Variants in ACER3 observed in about 807,000 individuals in gnomAD.
ACER3 encodes the protein alkaline ceramidase 3.
A neutral mutation model predicts 48.9 loss-of-function variants in ACER3; 16 were observed. The observed-to-expected ratio is 0.33, with a 90% CI of 0.22 to 0.50. ACER3 has a LOEUF of 0.50. Among genes scored for constraint, ACER3 ranks in the 20% least tolerant of loss-of-function variants. The pLI, the probability that ACER3 is intolerant of heterozygous loss-of-function variation, is 0.98. For synonymous variants in ACER3, 109 were observed against 107.8 expected (o/e 1.01, Z -0.07); for missense variants, 227 against 326.0 (o/e 0.70, Z 2.34).
At chr11:76,947,806 C>T (rs1281088878) in intron 2 of ACER3, among the ~76,000 whole-genome samples, 1 of 152,146 alleles carries the variant, frequency 6.6e-6, no homozygotes, top group Non-Finnish European at 1.5e-5. Context: ...TTAATAGCTC[C>T]AGTACTTGTG....
intron 6 of ACER3, among the ~76,000 whole-genome samples, chr11:76,994,457 G>A (rs1348445910): frequency 1.3e-5 from 2 of 152,048 alleles, no homozygotes; most frequent in Non-Finnish European, 2.9e-5. Context: ...GTACAGACAG[G>A]GTTTTTTCGT....
chr11:76,920,454 G>GA (rs1296903854), intron 1 of ACER3, among the ~76,000 whole-genome samples: 3 of 152,128 alleles, frequency 2.0e-5, no homozygotes, highest in Non-Finnish European at 4.4e-5. Context: ...CAGCCTTGGG[G>GA]AAACCTCTTT....
intron 2 of ACER3, among the ~76,000 whole-genome samples, chr11:76,933,557 T>G (rs1353735391): frequency 6.6e-6 from 1 of 151,946 alleles, no homozygotes; most frequent in African/African-American, 2.4e-5. Context: ...CATTTAACCC[T>G]GAGTGGACAC....
At chr11:76,901,598 T>A (rs2134671885) in intron 1 of ACER3, among the ~76,000 whole-genome samples, 1 of 152,338 alleles carries the variant, frequency 6.6e-6, no homozygotes, top group Non-Finnish European at 1.5e-5. Context: ...GCAAGACTCC[T>A]GTCTCAAGAG....
chr11:77,016,022 G>T (rs919597074), intron 8 of ACER3, among the ~76,000 whole-genome samples: 1 of 151,084 alleles, frequency 6.6e-6, no homozygotes, highest in South Asian at 2.1e-4. Flanking sequence ...CAGGAGAATC[G>T]CTTGAACTGG....
At chr11:76,940,386 CT>C (rs1947306295) in intron 2 of ACER3, among the ~76,000 whole-genome samples, 1 of 151,984 alleles carries the variant, frequency 6.6e-6, no homozygotes, top group African/African-American at 2.4e-5. Flanking sequence ...ACTTTTGTAA[CT>C]TTTTTTTCTA....
At chr11:76,929,455 C>G (rs1027160482) in intron 2 of ACER3, among the ~76,000 whole-genome samples, 2 of 152,206 alleles carry the variant, frequency 1.3e-5, no homozygotes, top group Admixed American at 6.5e-5. Flanking sequence ...CGCTTTATTT[C>G]TTTCTCCTGC....
intron 1 of ACER3, among the ~76,000 whole-genome samples, chr11:76,886,763 C>T (rs917931919): frequency 3.9e-5 from 6 of 152,148 alleles, no homozygotes; most frequent in South Asian, 2.1e-4. Context: ...TCACTGCAAC[C>T]TCTGCCTCCT....
In ACER3 at chr11:76,976,353, TA is replaced by T; in HGVS notation, c.320+16del. On this transcript the variant is annotated intron_variant, in intron 4 of 10. Coordinates refer to ENST00000532485, the MANE Select transcript of ACER3 (RefSeq NM_018367.7). ...TTTGTGTACTGCATGTAAGTACTTT[TA>T]AAATTTCATTGTTTGATTTATTTTT... is the stretch of plus-strand genomic sequence containing the variant. 1 of 1,557,748 alleles carries T rather than the reference TA, an allele frequency of 6.4e-7. No homozygotes were observed. Among genetic ancestry groups the T allele is most frequent in the Non-Finnish European group, 8.8e-7 (1 of 1,138,324 alleles).
chr11:76,908,179 T>A (rs879490428), intron 1 of ACER3, among the ~76,000 whole-genome samples: 2 of 152,194 alleles, frequency 1.3e-5, no homozygotes, highest in Non-Finnish European at 2.9e-5. Flanking sequence ...GAGGTTGCAG[T>A]GAGCTGAGAT....
chr11:76,901,731 C>T (rs560469858), intron 1 of ACER3, among the ~76,000 whole-genome samples: 21 of 152,032 alleles, frequency 1.4e-4, no homozygotes, highest in Admixed American at 3.9e-4. Context: ...CTGCATGCAC[C>T]GGTAATTAGA....
chr11:76,988,511 G>C (rs55977032), intron 5 of ACER3, among the ~76,000 whole-genome samples: 60,563 of 151,926 alleles, frequency 0.4, 14,770 homozygotes, highest in Non-Finnish European at 0.56. Flanking sequence ...CAGAGCGAAG[G>C]GGGAAGAAGC....
intron 2 of ACER3, among the ~76,000 whole-genome samples, chr11:76,943,605 T>A (rs1010895467): frequency 1.3e-5 from 2 of 152,034 alleles, no homozygotes; most frequent in Non-Finnish European, 2.9e-5. Flanking sequence ...GTGTTCCATG[T>A]GGTGATGAAA....
At chr11:76,940,914 A>G (rs1287125289) in intron 2 of ACER3, among the ~76,000 whole-genome samples, 1 of 152,080 alleles carries the variant, frequency 6.6e-6, no homozygotes, top group Admixed American at 6.6e-5. Flanking sequence ...TTTATTTTAA[A>G]CACCTCTAAA....
chr11:77,021,122 C>T lies in ACER3; in HGVS notation c.*795C>T, dbSNP rs1471883280. 2.0e-5 allele frequency: 3 copies of T among 152,232 alleles called. No individual in the cohort carries two copies. The highest frequency in any genetic ancestry group is 2.9e-5 in the Non-Finnish European group (2 of 68,052). The allele number at this position is 152,232 out of a possible 1,614,324, so 9.4% of individuals were successfully genotyped here. The stretch of plus-strand genomic sequence containing the variant: ...CTTTAAGTTGTCACTGTTTCTACGG[C>T]TAGACAAATATGACTGGTGGTCTAG... On this transcript the variant is annotated 3_prime_UTR_variant, in exon 11 of 11. Coordinates refer to ENST00000532485, the MANE Select transcript of ACER3 (RefSeq NM_018367.7).
rs987098399 is a variant in ACER3 at position 76,934,416 on chromosome 11, G to C, written c.214+7749G>C. On this transcript the variant is annotated intron_variant, in intron 2 of 10. Transcript: ENST00000532485. ...GGGCACCATTGAGCACTGAGTGAAC[G>C]AGACTCCGTCTGCAATCCCGGCACC... is the stretch of plus-strand genomic sequence containing the variant. Among the ~76,000 whole-genome samples, 5 of 152,196 alleles carry C rather than the reference G, an allele frequency of 3.3e-5. No homozygotes were observed. The East Asian group carries it at 9.6e-4, about 29-fold the overall frequency.
chr11:76,948,211 C>CTGTGTATGTGTGTGTGTGTGTG (rs1427598124), intron 2 of ACER3, among the ~76,000 whole-genome samples: 1 of 135,664 alleles, frequency 7.4e-6, no homozygotes. Flanking sequence ...CTGGCTCACT[C>CTGTGTATGTGTGTGTGTGTGTG]TGTGTGTGTG....
At position 76,957,277 on chromosome 11, in the gene ACER3, G is replaced by GA. The variant is rs200579381; in HGVS notation, c.215-1694dup. Among the ~76,000 whole-genome samples the GA allele has an allele frequency of 3.5e-3, 535 of 151,448 alleles. 2 individuals are homozygous for GA. Among genetic ancestry groups the GA allele is most frequent in the Non-Finnish European group, 4.0e-3 (272 of 67,794 alleles). ...GTAAATTCTGAACTAAACTGAATCA[G>GA]AAAAAAAAGCTTTATTAGATGTTAT... is the stretch of plus-strand genomic sequence containing the variant. On this transcript the variant is annotated intron_variant, in intron 2 of 10. Coordinates refer to ENST00000532485, the MANE Select transcript of ACER3 (RefSeq NM_018367.7).
chr11:77,013,105 A>G (rs1949301657), intron 7 of ACER3, among the ~76,000 whole-genome samples: 1 of 152,206 alleles, frequency 6.6e-6, no homozygotes, highest in Non-Finnish European at 1.5e-5. Flanking sequence ...CAATATAAAA[A>G]TTTAATAGAA....
Sources: gnomAD v4.1 joint callset for allele counts (sites outside exome capture counted in the v4.1 genomes callset) on GRCh38, gnomAD v4.1.1 for gene constraint, MANE v1.5 for transcripts, NCBI Gene and HGNC (gene_info 2026-07-23, HGNC 2026-07-21) for gene names.